Variants in ALLC observed in about 807,000 individuals in gnomAD.
The protein encoded by ALLC is probable inactive allantoicase.
ALLC carries 40 observed loss-of-function variants against 45.0 expected under a neutral mutation model. The observed-to-expected ratio is 0.89, with a 90% CI of 0.69 to 1.16. The LOEUF (loss-of-function observed/expected upper bound fraction) is 1.16, where lower values mean the gene tolerates loss of function less well. ALLC is among the 50% of genes most tolerant of loss of function. ALLC has a pLI of 0.00. For missense variants in ALLC, 488 were observed against 493.1 expected, an observed-to-expected ratio of 0.99 and a Z score of 0.10; for synonymous variants, 176 against 178.1, an observed-to-expected ratio of 0.99 and a Z score of 0.09.
chr2:3,652,727 C>G, the ALLC span, among the ~76,000 whole-genome samples: 1 of 151,504 alleles, frequency 6.6e-6, no homozygotes, highest in African/African-American at 2.4e-5. Context: ...GGACTATAGG[C>G]GTGTGCCACA....
chr2:3,685,826 TA>T (rs754803088), intron 7 of ALLC, among the ~76,000 whole-genome samples: 2 of 151,114 alleles, frequency 1.3e-5, no homozygotes, highest in South Asian at 2.1e-4. Context: ...ATTTATAAAT[TA>T]TTTTTTTTGC....
At chr2:3,672,537 A>G (rs1666911138) in intron 2 of ALLC, among the ~76,000 whole-genome samples, 1 of 126,804 alleles carries the variant, frequency 7.9e-6, no homozygotes, top group African/African-American at 3.3e-5. Context: ...GTCTGGTTAG[A>G]TAGGAGGTCC....
intron 6 of ALLC, among the ~76,000 whole-genome samples, chr2:3,682,618 C>T (rs1367126121): frequency 1.3e-5 from 2 of 152,146 alleles, no homozygotes; most frequent in Non-Finnish European, 2.9e-5. Flanking sequence ...CTCCGCCTCC[C>T]AGGTTCACGC....
At position 3,680,927 on chromosome 2, in the gene ALLC, C is replaced by G. The variant is rs1572518928; in HGVS notation, c.299-707C>G. On this transcript the variant is annotated intron_variant, in intron 5 of 11. Coordinates refer to ENST00000252505, the MANE Select transcript of ALLC (RefSeq NM_018436.4). This position sits in a 1 kb window ranked among gnomAD's most constrained non-coding sequence, Gnocchi z 4.0. ...ATCCAAGATGGAGTCACTTTGTCTC[C>G]ACAGACTTTCTGTATTTTTATTCCT... Among the ~76,000 whole-genome samples the G allele has an allele frequency of 6.6e-6, 1 of 152,156 alleles. No homozygotes were observed. The highest frequency in any genetic ancestry group is 6.5e-5 in the Admixed American group (1 of 15,282).
At chr2:3,693,214 C>G (rs1667568052) in intron 7 of ALLC, among the ~76,000 whole-genome samples, 1 of 152,180 alleles carries the variant, frequency 6.6e-6, no homozygotes, top group South Asian at 2.1e-4. Flanking sequence ...CTCAACCCCC[C>G]TAAATTTTAC....
rs900734441 is a variant in ALLC, at chr2:3,674,581, C to T, written c.84+456C>T. 7.9e-5 allele frequency among the ~76,000 whole-genome samples: 12 copies of T among 152,182 alleles called. No homozygotes were observed. The South Asian group carries it at 1.9e-3, about 24-fold the overall frequency. On this transcript the variant is annotated intron_variant, in intron 3 of 11. Coordinates refer to ENST00000252505, the MANE Select transcript of ALLC (RefSeq NM_018436.4). The stretch of plus-strand genomic sequence containing the variant: ...CTCCGTCATACCCAGTGTGGAGATG[C>T]GAACTCTTGTGCGTGGAGAGACAAA...
In ALLC at chr2:3,695,704, C is replaced by A. The variant is rs2148020262; in HGVS notation, c.512-13C>A. The A allele has an allele frequency of 6.2e-7, 1 of 1,613,960 alleles. No individual in the cohort carries two copies. Among genetic ancestry groups the A allele is most frequent in the Non-Finnish European group, 8.5e-7 (1 of 1,179,862 alleles). The stretch of plus-strand genomic sequence containing the variant: ...TTTTTACAAACAATAACTAAGGCAC[C>A]TTTCCTTTTCAGATGGTGGAATTGC... On this transcript the variant is annotated splice_polypyrimidine_tract_variant and intron_variant, in intron 7 of 11. Coordinates refer to ENST00000252505, the MANE Select transcript of ALLC (RefSeq NM_018436.4).
intron 9 of ALLC, 56 bp downstream of exon 9, chr2:3,696,404 ACTTTTT>A (rs1242497455): frequency 3.0e-5 from 44 of 1,459,348 alleles, no homozygotes; most frequent in Non-Finnish European, 3.9e-5. Context: ...ATTTTTTGGA[ACTTTTT>A]CTTTTAAATA....
intron 5 of ALLC, among the ~76,000 whole-genome samples, chr2:3,681,050 T>C (rs1027045084): frequency 5.9e-5 from 9 of 152,182 alleles, no homozygotes; most frequent in Admixed American, 2.6e-4. Flanking sequence ...TCAATGTGGG[T>C]TGGCAAGTTT....
upstream of ALLC, among the ~76,000 whole-genome samples, chr2:3,656,413 G>A (rs755875184): frequency 2.1e-4 from 32 of 152,364 alleles, no homozygotes; most frequent in Non-Finnish European, 3.7e-4. Context: ...GCTGTGCCAC[G>A]ATGGAAAGTT....
At position 3,702,641 on chromosome 2, in the gene ALLC, T is replaced by C. The variant is rs375343543; in HGVS notation, c.*78T>C. 2.7e-4 allele frequency: 372 copies of C among 1,391,740 alleles called. 2 individuals carry two copies. In the African/African-American group the frequency reaches 4.8e-3, roughly 18 times the overall value. 86.2% of individuals were successfully genotyped at this position (1,391,740 alleles called of 1,614,324 possible). Reference sequence around the variant, plus strand: ...CTTCTTTTCAAATGTTTTGAACACCTGGTGATTTAATAAAGTGGTCGTCTC... The same window carrying C: ...CTTCTTTTCAAATGTTTTGAACACCCGGTGATTTAATAAAGTGGTCGTCTC... On this transcript the variant is annotated 3_prime_UTR_variant, in exon 12 of 12. Transcript: ENST00000252505.
Position 3,695,730 on chromosome 2 carries a change from A to C in ALLC, c.525A>C (p.Ala175=), listed in dbSNP as rs1231935540. The C allele has an allele frequency of 4.3e-6, 7 of 1,613,950 alleles. No homozygotes were observed. Among genetic ancestry groups the C allele is most frequent in the African/African-American group, 1.3e-5 (1 of 74,942 alleles). Residue 175 remains alanine, a synonymous_variant, in exon 8 of 12, where the codon GCA becomes GCC. Coordinates refer to ENST00000252505, the MANE Select transcript of ALLC (RefSeq NM_018436.4). ...RLNIFPDGGI[A]RLRVFGTGQK... ...TTTCCTTTTCAGATGGTGGAATTGC[A>C]CGACTTAGAGTATTCGGTACTGGAC...
At chr2:3,682,582 G>A (rs1043535550) in intron 6 of ALLC, among the ~76,000 whole-genome samples, 41 of 152,272 alleles carry the variant, frequency 2.7e-4, no homozygotes, top group Admixed American at 2.0e-4. Flanking sequence ...CTGGAGTGCA[G>A]GGGCGCGATC....
chr2:3,700,197 T>C (rs532407123), intron 10 of ALLC, among the ~76,000 whole-genome samples: 3 of 152,304 alleles, frequency 2.0e-5, no homozygotes, highest in Admixed American at 6.5e-5. Context: ...GAAGGGGTCC[T>C]GTTTCAATCT....
At chr2:3,656,233 A>G (rs1413028918), upstream of ALLC, among the ~76,000 whole-genome samples, 1 of 152,230 alleles carries the variant, frequency 6.6e-6, no homozygotes, top group Admixed American at 6.5e-5. Flanking sequence ...AGGGTGCTCC[A>G]GCCCTTTCCA....
intron 3 of ALLC, among the ~76,000 whole-genome samples, chr2:3,677,838 C>T (rs1667065641): frequency 6.6e-6 from 1 of 152,238 alleles, no homozygotes; most frequent in African/African-American, 2.4e-5. Context: ...CCATGCTGGG[C>T]CAGCATAACG....
intron 1 of ALLC, among the ~76,000 whole-genome samples, chr2:3,659,519 C>T (rs970489793): frequency 2.0e-5 from 3 of 152,218 alleles, no homozygotes; most frequent in Non-Finnish European, 2.9e-5. Flanking sequence ...CTTGAGCAGG[C>T]AGTGGGAGGG....
chr2:3,673,223 G>A (rs1353173659), intron 2 of ALLC, among the ~76,000 whole-genome samples: 2 of 152,248 alleles, frequency 1.3e-5, no homozygotes, highest in Non-Finnish European at 2.9e-5. Context: ...AACACGCTGC[G>A]CGTTTGTGAG....
chr2:3,654,654 G>A (rs1377796826), upstream of ALLC, among the ~76,000 whole-genome samples: 1 of 152,250 alleles, frequency 6.6e-6, no homozygotes, highest in Admixed American at 6.5e-5. Context: ...GCTCTGGGAT[G>A]ACACAGTCAG....
Sources: gnomAD v4.1 joint callset for allele counts (sites outside exome capture counted in the v4.1 genomes callset) on GRCh38, gnomAD v4.1.1 for gene constraint, Gnocchi (gnomAD v3.1) non-coding constraint, MANE v1.5 for transcripts, NCBI Gene and HGNC (gene_info 2026-07-23, HGNC 2026-07-21) for gene names.